The following TMEM132C variants were observed in gnomAD, a reference collection of about 807,000 sequenced individuals.
TMEM132C encodes the protein protein phosphatase 1, regulatory subunit 152.
In TMEM132C, 29 loss-of-function variants were observed where a neutral mutation model predicts 61.4. The observed-to-expected ratio is 0.47, with a 90% CI of 0.35 to 0.64. The LOEUF (loss-of-function observed/expected upper bound fraction) is 0.64. TMEM132C is among the 30% of genes least tolerant of loss of function. The pLI is 0.00. For synonymous variants in TMEM132C, 656 were observed against 633.1 expected (o/e 1.04, Z -0.54); for missense variants, 1,408 against 1,476.9 (o/e 0.95, Z 0.76).
intron 1 of TMEM132C, among the ~76,000 whole-genome samples, chr12:128,284,255 A>G (rs1219299877): frequency 6.6e-6 from 1 of 152,226 alleles, no homozygotes; most frequent in Non-Finnish European, 1.5e-5. Context: ...CTGATACAGC[A>G]TCTAAACAGT....
At chr12:128,487,607 A>G (rs916578765) in intron 2 of TMEM132C, among the ~76,000 whole-genome samples, 40 of 97,692 alleles carry the variant, frequency 4.1e-4, no homozygotes, top group African/African-American at 2.1e-3. Flanking sequence ...GTGTGGGTAT[A>G]TATATATATA....
chr12:128,314,909 A>G (rs1002779118), intron 1 of TMEM132C, among the ~76,000 whole-genome samples: 2 of 152,220 alleles, frequency 1.3e-5, no homozygotes, highest in African/African-American at 4.8e-5. Context: ...AATGGTTGTG[A>G]GATGATTCAC....
At chr12:128,677,721 C>T (rs183279607) in intron 5 of TMEM132C, among the ~76,000 whole-genome samples, 2 of 152,336 alleles carry the variant, frequency 1.3e-5, no homozygotes, top group Admixed American at 6.5e-5. Flanking sequence ...TTGCTAGGCA[C>T]TGCCCAGGAC....
intron 2 of TMEM132C, among the ~76,000 whole-genome samples, chr12:128,492,895 T>C (rs1331372543): frequency 6.6e-6 from 1 of 152,248 alleles, no homozygotes; most frequent in Non-Finnish European, 1.5e-5. Context: ...TTGCCATTGC[T>C]TTTGGTGTTT....
intron 3 of TMEM132C, among the ~76,000 whole-genome samples, chr12:128,574,014 A>C (rs1178249944): frequency 6.6e-6 from 1 of 152,096 alleles, no homozygotes; most frequent in African/African-American, 2.4e-5. Context: ...GGAAAAACAG[A>C]ATACATGCTT....
chr12:128,363,855 A>G (rs1238113624), intron 1 of TMEM132C, among the ~76,000 whole-genome samples: 1 of 151,336 alleles, frequency 6.6e-6, no homozygotes, highest in Non-Finnish European at 1.5e-5. Context: ...GAAAAAAAAA[A>G]AAAAAAAAGA....
At chr12:128,591,828 G>A (rs1442223443) in intron 3 of TMEM132C, among the ~76,000 whole-genome samples, 1 of 151,950 alleles carries the variant, frequency 6.6e-6, no homozygotes, top group Non-Finnish European at 1.5e-5. Flanking sequence ...GAGGCAGGTG[G>A]ATCACTTGAG....
intron 1 of TMEM132C, among the ~76,000 whole-genome samples, chr12:128,343,467 C>T (rs1326129131): frequency 6.6e-6 from 1 of 151,382 alleles, no homozygotes; most frequent in Non-Finnish European, 1.5e-5. Flanking sequence ...ATTTAGATAT[C>T]CCTAAAGTAA....
intron 2 of TMEM132C, among the ~76,000 whole-genome samples, chr12:128,448,573 G>C (rs1003478676): frequency 6.6e-6 from 1 of 152,136 alleles, no homozygotes; most frequent in African/African-American, 2.4e-5. Context: ...ATTGGAACTG[G>C]TATAACACTG....
intron 2 of TMEM132C, among the ~76,000 whole-genome samples, chr12:128,481,415 C>G (rs1358343595): frequency 1.3e-5 from 2 of 152,220 alleles, no homozygotes; most frequent in East Asian, 3.9e-4. Context: ...CGGCTCTTCA[C>G]CTCTCTGCTG....
Position 128,340,809 on chromosome 12 carries a change from TTCTCTCTTTCTTTCTG to T in TMEM132C, c.85+73326_85+73341del, listed in dbSNP as rs1593017109. Among the ~76,000 whole-genome samples, 3 of 150,060 alleles carry T rather than the reference TTCTCTCTTTCTTTCTG, an allele frequency of 2.0e-5. No individual in the cohort carries two copies. In the East Asian group the frequency reaches 5.9e-4, roughly 29 times the overall value. Reference sequence around the variant, plus strand: ...TCTCTCTCTCTCTCTCTTTCTTTCTTTCTCTCTTTCTTTCTGTCTTTCTCTCTCTCTCTTTCTCTCT... The same window carrying T: ...TCTCTCTCTCTCTCTCTTTCTTTCTTTCTTTCTCTCTCTCTCTTTCTCTCT... On this transcript the variant is annotated intron_variant, in intron 1 of 8. Coordinates refer to ENST00000435159, the MANE Select transcript of TMEM132C (RefSeq NM_001136103.3).
intron 1 of TMEM132C, among the ~76,000 whole-genome samples, chr12:128,332,914 C>G (rs1427282754): frequency 3.9e-5 from 6 of 152,248 alleles, no homozygotes. Context: ...ACCCTCCAGA[C>G]AGCTCAGAAT....
chr12:128,330,480 G>A (rs1222586906), intron 1 of TMEM132C, among the ~76,000 whole-genome samples: 2 of 152,142 alleles, frequency 1.3e-5, no homozygotes, highest in Non-Finnish European at 2.9e-5. Flanking sequence ...ATGAGCCCAG[G>A]AGTCCAAGGC....
chr12:128,403,056 G>A (rs905844979), intron 1 of TMEM132C, among the ~76,000 whole-genome samples: 8 of 152,160 alleles, frequency 5.3e-5, no homozygotes, highest in East Asian at 3.9e-4. Flanking sequence ...ATTGCAAACC[G>A]CGCTATGTAA....
intron 2 of TMEM132C, among the ~76,000 whole-genome samples, chr12:128,457,688 G>T (rs1870393372): frequency 6.6e-6 from 1 of 152,138 alleles, no homozygotes; most frequent in Non-Finnish European, 1.5e-5. Flanking sequence ...GTTTACTGAG[G>T]TTAATGCTGG....
intron 3 of TMEM132C, among the ~76,000 whole-genome samples, chr12:128,547,396 A>G (rs1333276233): frequency 3.7e-5 from 3 of 80,858 alleles, no homozygotes; most frequent in Non-Finnish European, 6.2e-5. Context: ...TCTACTAAAA[A>G]TACAAAAAAA....
At chr12:128,324,423 C>T (rs183521571) in intron 1 of TMEM132C, among the ~76,000 whole-genome samples, 4 of 152,292 alleles carry the variant, frequency 2.6e-5, no homozygotes, top group African/African-American at 9.6e-5. Context: ...CTTGCTGACT[C>T]TCCACGTCCA....
intron 2 of TMEM132C, among the ~76,000 whole-genome samples, chr12:128,431,155 C>T (rs1265233963): frequency 6.6e-6 from 1 of 152,148 alleles, no homozygotes; most frequent in Admixed American, 6.5e-5. Context: ...AGAAGTGATA[C>T]GAAGGCAAAA....
chr12:128,635,997 G>T (rs1157804886), intron 4 of TMEM132C, among the ~76,000 whole-genome samples: 1 of 152,198 alleles, frequency 6.6e-6, no homozygotes, highest in African/African-American at 2.4e-5. Context: ...TTCCCTGTGG[G>T]AGGCAAGCTC....
Sources: allele counts gnomAD v4.1 joint callset (sites outside exome capture counted in the v4.1 genomes callset), GRCh38; gene constraint gnomAD v4.1.1; transcripts MANE v1.5; gene names NCBI Gene and HGNC (gene_info 2026-07-23, HGNC 2026-07-21).